Variants in MIER1 observed in about 807,000 individuals in gnomAD.
The protein encoded by MIER1 is MIER1 transcriptional regulator.
Under a neutral mutation model 75.7 loss-of-function variants are expected in MIER1, and 40 were observed. The ratio of observed to expected loss-of-function variants is 0.53; its 90% CI spans 0.41 to 0.69. The LOEUF (loss-of-function observed/expected upper bound fraction) is 0.69, where lower values mean the gene tolerates loss of function less well. MIER1 is among the 30% of genes least tolerant of loss of function. MIER1 has a pLI of 0.00. For synonymous variants in MIER1, 213 were observed against 223.4 expected, an observed-to-expected ratio of 0.95 and a Z score of 0.42; for missense variants, 574 against 680.2, an observed-to-expected ratio of 0.84 and a Z score of 1.74.
intron 7 of MIER1, among the ~76,000 whole-genome samples, chr1:66,961,121 TTATG>T (rs1661175790): frequency 6.6e-6 from 1 of 152,098 alleles, no homozygotes; most frequent in African/African-American, 2.4e-5. Flanking sequence ...CAGAAAAAAA[TTATG>T]TAATAAAGCA....
At chr1:66,955,338 T>TTG (rs1659884218) in intron 4 of MIER1, among the ~76,000 whole-genome samples, 1 of 132,464 alleles carries the variant, frequency 7.5e-6, no homozygotes, top group Non-Finnish European at 1.6e-5. Context: ...TCACCTGAGT[T>TTG]TTTTTTTTTT....
intron 12 of MIER1, among the ~76,000 whole-genome samples, chr1:66,977,970 G>A (rs1356383494): frequency 5.9e-5 from 9 of 151,926 alleles, no homozygotes; most frequent in Admixed American, 5.3e-4. Context: ...AGGCTGAGGC[G>A]GGTGGATCAC....
intron 2 of MIER1, among the ~76,000 whole-genome samples, chr1:66,934,575 T>TTC (rs1261773694): frequency 1.1e-4 from 17 of 150,014 alleles, no homozygotes; most frequent in African/African-American, 4.2e-4. Context: ...TGCCCGGCTT[T>TTC]TTTTTTTTTT....
chr1:66,958,044 T>G lies in MIER1; in HGVS notation c.340-15T>G, dbSNP rs1558068384. The stretch of plus-strand genomic sequence containing the variant: ...TCACTGATTCAGAGATTACCTTTTA[T>G]TTTGATTTATTTAGGAAGGCGACAT... On this transcript the variant is annotated splice_polypyrimidine_tract_variant and intron_variant, in intron 4 of 13. Coordinates refer to ENST00000401041, the MANE Select transcript of MIER1 (RefSeq NM_001077700.3). 2.0e-6 allele frequency: 3 copies of G among 1,528,034 alleles called. No homozygotes were observed. The highest frequency in any genetic ancestry group is 2.7e-6 in the Non-Finnish European group (3 of 1,128,524). The allele number at this position is 1,528,034 out of a possible 1,614,324, so 94.7% of individuals were successfully genotyped here.
chr1:66,966,383 G>A (rs554546873), intron 8 of MIER1, among the ~76,000 whole-genome samples: 5 of 152,262 alleles, frequency 3.3e-5, no homozygotes, highest in African/African-American at 9.6e-5. Context: ...TTTGATGGCT[G>A]CATAGTATTC....
At chr1:66,954,334 GCCTTTAAAAATTA>G (rs1364283609) in intron 4 of MIER1, among the ~76,000 whole-genome samples, 1 of 152,198 alleles carries the variant, frequency 6.6e-6, no homozygotes, top group Non-Finnish European at 1.5e-5. Context: ...TATAACAGAA[GCCTTTAAAAATTA>G]CGTAAAACTA....
intron 2 of MIER1, among the ~76,000 whole-genome samples, chr1:66,932,155 G>A (rs1159304667): frequency 6.6e-6 from 1 of 151,990 alleles, no homozygotes. Flanking sequence ...AGATGGTTGC[G>A]TTATTGTAAG....
chr1:66,946,208 T>A lies in MIER1; in HGVS notation c.252T>A (p.His84Gln). The A allele has an allele frequency of 6.2e-7, 1 of 1,612,256 alleles. No individual in the cohort carries two copies. The highest frequency in any genetic ancestry group is 8.5e-7 in the Non-Finnish European group (1 of 1,179,592). Residue 84 changes from histidine (H) to glutamine (Q), a missense_variant, in exon 4 of 14, where the codon CAT becomes CAA. By Grantham distance (24) the His-to-Gln change is conservative. Around this residue, in one of 3 missense-constraint regions of MIER1, gnomAD observed 309 missense variants for 352.8 expected, o/e 0.88. Coordinates refer to ENST00000401041, the MANE Select transcript of MIER1 (RefSeq NM_001077700.3). The part of the protein sequence containing the change: ...EFDPSADMLV[H>Q]DFDDERTLEE... ...ATCCATCAGCTGACATGCTGGTTCA[T>A]GATTTTGATGATGAACGAACATTAG...
At chr1:66,947,998 GTTTTA>G in intron 4 of MIER1, 1 of 984,462 alleles carries the variant, frequency 1.0e-6, no homozygotes, top group Non-Finnish European at 1.2e-6. Context: ...TTAGTTTTTT[GTTTTA>G]TTTTTATTTT....
At chr1:66,960,720 G>A (rs1317938592) in intron 7 of MIER1, among the ~76,000 whole-genome samples, 3 of 152,154 alleles carry the variant, frequency 2.0e-5, no homozygotes, top group Admixed American at 6.5e-5. Context: ...GACAAGGTTA[G>A]CCCAGTTTAC....
chr1:66,975,151 A>C (rs1293984361), intron 11 of MIER1, among the ~76,000 whole-genome samples: 1 of 152,202 alleles, frequency 6.6e-6, no homozygotes, highest in African/African-American at 2.4e-5. Context: ...AGTGCTACAG[A>C]ATATTTACTT....
intron 7 of MIER1, among the ~76,000 whole-genome samples, chr1:66,962,368 A>G (rs1661423597): frequency 6.6e-6 from 1 of 152,180 alleles, no homozygotes; most frequent in Non-Finnish European, 1.5e-5. Flanking sequence ...GCTTTATACA[A>G]ACCCTTTTTG....
chr1:66,957,683 C>G (rs1225876037), intron 4 of MIER1, among the ~76,000 whole-genome samples: 1 of 109,408 alleles, frequency 9.1e-6, no homozygotes, highest in South Asian at 3.0e-4. Flanking sequence ...TCTCATTGTT[C>G]TATTTCTCCA....
At chr1:66,932,258 T>C (rs948750289) in intron 2 of MIER1, among the ~76,000 whole-genome samples, 11 of 152,204 alleles carry the variant, frequency 7.2e-5, no homozygotes, top group African/African-American at 2.7e-4. Context: ...AGTTGGAGAA[T>C]GGAATGTTTT....
At chr1:66,927,100 T>G (rs1354795437) in intron 2 of MIER1, among the ~76,000 whole-genome samples, 1 of 152,144 alleles carries the variant, frequency 6.6e-6, no homozygotes, top group East Asian at 1.9e-4. Context: ...ACTGAGGGGT[T>G]TGTGTGTGCG....
intron 8 of MIER1, among the ~76,000 whole-genome samples, chr1:66,964,005 T>C (rs1248060743): frequency 6.6e-6 from 1 of 152,174 alleles, no homozygotes; most frequent in Non-Finnish European, 1.5e-5. Flanking sequence ...ATGTTTTTTT[T>C]TTTCCATTTC....
chr1:66,984,634 C>T lies in MIER1; in HGVS notation c.1432C>T (p.His478Tyr). ...AGAGGAAGTAAAAGTTGAAGGGTTACACATTAATGGACCAACAGGTGGAAA... is the reference window on the plus strand; with the variant it reads ...AGAGGAAGTAAAAGTTGAAGGGTTATACATTAATGGACCAACAGGTGGAAA... ...NKEEVKVEGL[H>Y]INGPTGGNKK... is the part of the protein sequence containing the mutation. The change falls in exon 14 of 14, where the codon CAC (histidine) becomes TAC (tyrosine). Residue 478 changes from histidine (H) to tyrosine (Y), a missense_variant. This residue lies in a region of MIER1 where 164 missense variants were observed against 154.3 expected (regional missense o/e 1.06). Coordinates refer to ENST00000401041, the MANE Select transcript of MIER1 (RefSeq NM_001077700.3). 1.2e-6 allele frequency: 2 copies of T among 1,613,490 alleles called. No homozygotes were observed. The highest frequency in any genetic ancestry group is 2.7e-5 in the African/African-American group (2 of 75,004).
rs556519918 is a variant in MIER1, at chr1:66,926,135, G to A, written c.68-7G>A. On this transcript the variant is annotated splice_region_variant and splice_polypyrimidine_tract_variant and intron_variant, in intron 1 of 13. Coordinates refer to ENST00000401041, the MANE Select transcript of MIER1 (RefSeq NM_001077700.3). ...TTGCTACTGAGGCTCTCTTTCCTTT[G>A]ATCCAGATGGTGTGGTCGCTCGATT... 18 of 1,612,052 alleles carry A rather than the reference G, an allele frequency of 1.1e-5. No homozygotes were observed. The African/African-American group carries it at 2.3e-4, about 20-fold the overall frequency.
intron 2 of MIER1, chr1:66,930,438 G>A: frequency 1.2e-6 from 2 of 1,601,876 alleles, no homozygotes; most frequent in Non-Finnish European, 1.7e-6. Flanking sequence ...CCCGGAGCCG[G>A]GCGCCCCCGG....
Sources: allele counts gnomAD v4.1 joint callset (sites outside exome capture counted in the v4.1 genomes callset), GRCh38; gene constraint gnomAD v4.1.1; regional missense constraint gnomAD v4.1.1; transcripts MANE v1.5; gene names NCBI Gene and HGNC (gene_info 2026-07-23, HGNC 2026-07-21).